The following IKBKE variants were observed in gnomAD, a reference collection of about 807,000 sequenced individuals.
IKBKE encodes inhibitor of nuclear factor kappa B kinase subunit epsilon.
A neutral mutation model predicts 92.1 loss-of-function variants in IKBKE; 45 were observed. That is an observed-to-expected ratio of 0.49 (90% CI 0.38 to 0.63). The LOEUF is 0.63. IKBKE is among the 20% of genes least tolerant of loss of function. IKBKE has a pLI of 0.00. For missense variants in IKBKE, 700 were observed against 932.8 expected, an observed-to-expected ratio of 0.75 and a Z score of 3.25; for synonymous variants, 374 against 380.3, an observed-to-expected ratio of 0.98 and a Z score of 0.19.
At chr1:206,489,329 TTA>T (rs1665815742) in intron 16 of IKBKE, among the ~76,000 whole-genome samples, 2 of 144,688 alleles carry the variant, frequency 1.4e-5, no homozygotes, top group African/African-American at 5.1e-5. Flanking sequence ...AAACTAAATT[TTA>T]TATATGTGTG....
At chr1:206,475,200 C>A in intron 5 of IKBKE, 1 of 556,070 alleles carries the variant, frequency 1.8e-6, no homozygotes, top group Non-Finnish European at 3.1e-6. Flanking sequence ...ACTGTGAAAA[C>A]AAAATGTGGG....
rs782815039 is a variant in IKBKE at position 206,476,826 on chromosome 1, A to G, written c.689A>G (p.Asn230Ser). 2.5e-6 allele frequency: 4 copies of G among 1,614,100 alleles called. No homozygotes were observed. The African/African-American group carries it at 5.3e-5, about 22-fold the overall frequency. The change falls in exon 7 of 22, where the codon AAC becomes AGC. Residue 230 changes from asparagine (N) to serine (S), a missense_variant. Asn to Ser is a conservative substitution (Grantham distance 46). Transcript: ENST00000581977. The surrounding 1 kb of genome is among the most constrained non-coding windows in gnomAD (Gnocchi z 5.1). ...PFIPFGGPRR[N>S]KEIMYRITTE... is the part of the protein sequence containing the mutation. ...ATCCCCTTTGGTGGGCCACGGCGGA[A>G]CAAGGAGATCATGTACGGTGGGCCA...
rs1443991905 is a variant in IKBKE, at chr1:206,487,129, T to C, written c.1617-785T>C. Among the ~76,000 whole-genome samples the C allele has an allele frequency of 6.6e-6, 1 of 152,234 alleles. No individual in the cohort carries two copies. Among genetic ancestry groups the C allele is most frequent in the Non-Finnish European group, 1.5e-5 (1 of 68,036 alleles). On this transcript the variant is annotated intron_variant, in intron 15 of 21. Coordinates refer to ENST00000581977, the MANE Select transcript of IKBKE (RefSeq NM_014002.4). The surrounding 1 kb of genome is among the most constrained non-coding windows in gnomAD (Gnocchi z 5.3). ...GCCCTGGAACAAGCCTGTGCTCTGT[T>C]CAGAGTCAAGCTCCAGAAATAGCAG...
rs1553388530 is a variant in IKBKE, at chr1:206,485,878, C to A, written c.1616+572C>A. Among the ~76,000 whole-genome samples, 3 of 152,294 alleles carry A rather than the reference C, an allele frequency of 2.0e-5. No homozygotes were observed. Among genetic ancestry groups the A allele is most frequent in the South Asian group, 2.1e-4 (1 of 4,830 alleles). ...TTAACAGACATAAAAATACCCCCCT[C>A]CCCCAGGCCCCAGCTGACTGTGGGG... On this transcript the variant is annotated intron_variant, in intron 15 of 21. Transcript: ENST00000581977. The surrounding 1 kb of genome is among the most constrained non-coding windows in gnomAD (Gnocchi z 5.0).
chr1:206,473,015 G>T lies in IKBKE; in HGVS notation c.-32-181G>T, dbSNP rs1051018762. ...TGGGGGCCCTCTTGTTGTGCTGTGC[G>T]TCCTTTTGGGGAAGTTACTTAACCT... On this transcript the variant is annotated intron_variant, in intron 2 of 21. Transcript: ENST00000581977. 2.1e-5 allele frequency: 12 copies of T among 571,782 alleles called. No homozygotes were observed. In the African/African-American group the frequency reaches 2.1e-4, roughly 10 times the overall value. The allele number at this position is 571,782 out of a possible 1,614,324, so 35.4% of individuals were successfully genotyped here. A position where few individuals can be genotyped will look rare whatever the true frequency, so the allele number is the denominator to read the frequency against.
In IKBKE at chr1:206,493,364, G is replaced by A; in HGVS notation, c.2031G>A (p.Lys677=). 9.3e-6 allele frequency: 15 copies of A among 1,613,282 alleles called. No individual in the cohort carries two copies. Among genetic ancestry groups the A allele is most frequent in the Non-Finnish European group, 1.3e-5 (15 of 1,179,302 alleles). ...PIAPYPSPTR[K]DLLLHMQELC... is the part of the protein sequence containing the mutation. Reference sequence around the variant, plus strand: ...CTCCTTACCCCAGCCCTACACGAAAGGACCTGCTTCTCCAGTAAGTGCTGG... The same window carrying A: ...CTCCTTACCCCAGCCCTACACGAAAAGACCTGCTTCTCCAGTAAGTGCTGG... Residue 677 remains lysine, a synonymous_variant, in exon 20 of 22, where the codon AAG becomes AAA. Coordinates refer to ENST00000581977, the MANE Select transcript of IKBKE (RefSeq NM_014002.4).
At position 206,476,475 on chromosome 1, in the gene IKBKE, A is replaced by G; in HGVS notation, c.540+113A>G. 8.3e-7 allele frequency: 1 copy of G among 1,210,390 alleles called. No homozygotes were observed. The highest frequency in any genetic ancestry group is 1.4e-5 in the South Asian group (1 of 70,884). 75.0% of individuals were successfully genotyped at this position (1,210,390 alleles called of 1,614,324 possible). On this transcript the variant is annotated intron_variant, in intron 6 of 21. Coordinates refer to ENST00000581977, the MANE Select transcript of IKBKE (RefSeq NM_014002.4). This position sits in a 1 kb window ranked among gnomAD's most constrained non-coding sequence, Gnocchi z 5.1. Reference sequence around the variant, plus strand: ...CCCACCTCCTGCTTCCACAGGAGTTATGTCTCTCCCCTGTACCCCAACCAG... The same window carrying G: ...CCCACCTCCTGCTTCCACAGGAGTTGTGTCTCTCCCCTGTACCCCAACCAG...
intron 16 of IKBKE, among the ~76,000 whole-genome samples, chr1:206,489,367 GTGTATATATA>G (rs1163576340): frequency 0.19 from 9,709 of 50,784 alleles, 385 homozygotes; most frequent in South Asian, 0.3. Context: ...GTGTGTGTGT[GTGTATATATA>G]TATATATATA....
chr1:206,477,823 G>T lies in IKBKE; in HGVS notation c.776G>T (p.Trp259Leu). ...AQRRENGPLE[W>L]SYTLPITCQL... ...AGGCGGGAGAACGGGCCCCTGGAGT[G>T]GAGCTACACCCTCCCCATCACCTGC... is the stretch of plus-strand genomic sequence containing the variant. Residue 259 changes from tryptophan to leucine, a missense_variant, in exon 8 of 22, where the codon TGG becomes TTG. Transcript: ENST00000581977. The T allele has an allele frequency of 6.4e-7, 1 of 1,558,610 alleles. No homozygotes were observed. The highest frequency in any genetic ancestry group is 2.4e-5 in the East Asian group (1 of 41,360).
chr1:206,475,206 G>C, intron 5 of IKBKE: 1 of 547,996 alleles, frequency 1.8e-6, no homozygotes, highest in Non-Finnish European at 3.2e-6. Context: ...AAAACAAAAT[G>C]TGGGAGGTAC....
Position 206,470,525 on chromosome 1 carries a change from A to C in IKBKE, c.-296A>C, listed in dbSNP as rs566312068. 6.6e-6 allele frequency: 1 copy of C among 152,420 alleles called. No individual in the cohort carries two copies. 9.4% of individuals were successfully genotyped at this position (152,420 alleles called of 1,614,324 possible). ...CCACAAGGAGGCAGGGAAGAAACCC[A>C]CTAGTCCCAGCTCCTGGGGTGGCAC... On this transcript the variant is annotated 5_prime_UTR_variant, in exon 1 of 22. Transcript: ENST00000581977.
intron 18 of IKBKE, chr1:206,492,454 T>G (rs1665998324): frequency 2.1e-6 from 1 of 471,326 alleles, no homozygotes; most frequent in Non-Finnish European, 4.4e-6. Context: ...AATGCCTGCT[T>G]CTTCTACTCC....
chr1:206,476,560 A>T lies in IKBKE; in HGVS notation c.541-118A>T, dbSNP rs1665074028. The T allele has an allele frequency of 7.8e-7, 1 of 1,284,256 alleles. No homozygotes were observed. The highest frequency in any genetic ancestry group is 1.5e-5 in the African/African-American group (1 of 67,478). The allele number at this position is 1,284,256 out of a possible 1,614,324, so 79.6% of individuals were successfully genotyped here. The stretch of plus-strand genomic sequence containing the variant: ...GAGGCTGACACCCATTTTTAAGATG[A>T]CAAAGAAGGATTTGAACAGTTCTGT... On this transcript the variant is annotated intron_variant, in intron 6 of 21. Coordinates refer to ENST00000581977, the MANE Select transcript of IKBKE (RefSeq NM_014002.4). The surrounding 1 kb of genome is among the most constrained non-coding windows in gnomAD (Gnocchi z 5.1).
rs1553386243 is a variant in IKBKE at position 206,478,979 on chromosome 1, C to T, written c.1029C>T (p.Thr343=). The change falls in exon 10 of 22, where the codon ACC becomes ACT. Residue 343 remains threonine, a synonymous_variant. Coordinates refer to ENST00000581977, the MANE Select transcript of IKBKE (RefSeq NM_014002.4). This position sits in a 1 kb window ranked among gnomAD's most constrained non-coding sequence, Gnocchi z 4.8. The part of the protein sequence containing the change: ...AIFQEAVHKQ[T]SVAPRHQEYL... ...TCCAGGAGGCCGTGCACAAGCAGAC[C>T]AGTGTGGCCCCCCGACACCAGGAGT... 9.9e-6 allele frequency: 16 copies of T among 1,614,128 alleles called. No individual in the cohort carries two copies. The highest frequency in any genetic ancestry group is 1.4e-5 in the Non-Finnish European group (16 of 1,180,028).
In IKBKE at chr1:206,490,665, ACTC is replaced by A. The variant is rs1487887515; in HGVS notation, c.1694-150_1694-148del. Among the ~76,000 whole-genome samples the A allele has an allele frequency of 2.0e-5, 3 of 151,616 alleles. No individual in the cohort carries two copies. Among genetic ancestry groups the A allele is most frequent in the Non-Finnish European group, 4.4e-5 (3 of 67,922 alleles). On this transcript the variant is annotated intron_variant, in intron 16 of 21. Coordinates refer to ENST00000581977, the MANE Select transcript of IKBKE (RefSeq NM_014002.4). This position sits in a 1 kb window ranked among gnomAD's most constrained non-coding sequence, Gnocchi z 5.2. ...AATCAGCTATTCCGGTGCTAGCTTC[ACTC>A]CTCTGCCCCTCCTGCTCCGCTGGGC...
intron 5 of IKBKE, among the ~76,000 whole-genome samples, chr1:206,475,737 C>CAAAAAAAAAAAAAAAAAA: frequency 1.1e-5 from 1 of 92,742 alleles, no homozygotes; most frequent in Non-Finnish European, 2.2e-5. Flanking sequence ...ACTCTGTCTC[C>CAAAAAAAAAAAAAAAAAA]AAAAAAAAAA....
intron 12 of IKBKE, 88 bp from the exon 13 acceptor site, chr1:206,480,359 T>G (rs534675832): frequency 8.0e-6 from 9 of 1,125,978 alleles, no homozygotes; most frequent in Non-Finnish European, 1.1e-5. Context: ...CGGCAGGAGG[T>G]GGAGGCCAGT....
In IKBKE at chr1:206,474,370, A is replaced by G. The variant is rs1285749873; in HGVS notation, c.127A>G (p.Thr43Ala). The G allele has an allele frequency of 6.2e-7, 1 of 1,613,996 alleles. No homozygotes were observed. Among genetic ancestry groups the G allele is most frequent in the Non-Finnish European group, 8.5e-7 (1 of 1,179,920 alleles). ...GGTTGCTGTGAAGGTCTTCAACACT[A>G]CCAGCTACCTGCGGCCCCGCGAGGT... ...ELVAVKVFNT[T>A]SYLRPREVQV... Residue 43 changes from threonine (T) to alanine (A), a missense_variant, in exon 4 of 22, where the codon ACC (threonine) becomes GCC (alanine). By Grantham distance (58) the Thr-to-Ala change is moderately conservative. Transcript: ENST00000581977.
intron 10 of IKBKE, 70 bp downstream of exon 10, chr1:206,479,203 C>A (rs1285223132): frequency 1.6e-6 from 2 of 1,283,686 alleles, no homozygotes; most frequent in Non-Finnish European, 2.1e-6. Flanking sequence ...GTTTGCAATC[C>A]AGGCCATTGG....
Sources: gnomAD v4.1 joint callset for allele counts (sites outside exome capture counted in the v4.1 genomes callset) on GRCh38, gnomAD v4.1.1 for gene constraint, Gnocchi (gnomAD v3.1) non-coding constraint, MANE v1.5 for transcripts, NCBI Gene and HGNC (gene_info 2026-07-23, HGNC 2026-07-21) for gene names.